DCC: variants seen among roughly 807,000 people sequenced by gnomAD.
DCC encodes netrin receptor DCC.
A neutral mutation model predicts 172.5 loss-of-function variants in DCC; 58 were observed. That is an observed-to-expected ratio of 0.34 (90% CI 0.27 to 0.42). DCC has a LOEUF of 0.42. Ranked by LOEUF, DCC falls within the 10% of genes least tolerant of loss-of-function variation. The pLI is 1.00. For synonymous variants in DCC, 709 were observed against 644.5 expected (o/e 1.10, Z -1.52); for missense variants, 1,740 against 1,791.0 (o/e 0.97, Z 0.51).
intron 1 of DCC, among the ~76,000 whole-genome samples, chr18:52,488,695 A>G (rs1417576547): frequency 6.6e-6 from 1 of 152,132 alleles, no homozygotes. Flanking sequence ...AGACTTGATT[A>G]TTTAAATGCA....
At chr18:53,031,368 T>C (rs2143959454) in intron 5 of DCC, among the ~76,000 whole-genome samples, 1 of 152,322 alleles carries the variant, frequency 6.6e-6, no homozygotes, top group South Asian at 2.1e-4. Context: ...AAATTAGAGT[T>C]CCTCATCTTT....
At chr18:52,613,136 T>G (rs1249612215) in intron 1 of DCC, among the ~76,000 whole-genome samples, 3 of 152,232 alleles carry the variant, frequency 2.0e-5, no homozygotes, top group Admixed American at 1.3e-4. Flanking sequence ...TTCATTTGCA[T>G]GATTTTTATT....
intron 27 of DCC, among the ~76,000 whole-genome samples, chr18:53,519,813 T>C (rs1238223874): frequency 6.6e-6 from 1 of 152,122 alleles, no homozygotes; most frequent in Non-Finnish European, 1.5e-5. Flanking sequence ...TCTACCAACA[T>C]AGAAAAAGTC....
intron 3 of DCC, among the ~76,000 whole-genome samples, chr18:52,910,802 C>T (rs2039960883): frequency 6.6e-6 from 1 of 152,124 alleles, no homozygotes; most frequent in South Asian, 2.1e-4. Flanking sequence ...AGTTAGATGA[C>T]TCTGAGTCCT....
At chr18:52,930,880 T>C (rs2040297385) in intron 5 of DCC, among the ~76,000 whole-genome samples, 1 of 152,170 alleles carries the variant, frequency 6.6e-6, no homozygotes, top group Admixed American at 6.6e-5. Flanking sequence ...ACTTACATTT[T>C]TATTCTATGA....
chr18:53,272,129 C>T (rs1363480801), intron 12 of DCC, among the ~76,000 whole-genome samples: 1 of 152,050 alleles, frequency 6.6e-6, no homozygotes, highest in African/African-American at 2.4e-5. Flanking sequence ...TTGTTTCACC[C>T]AGTGGTTAAT....
chr18:53,047,077 T>C (rs1327209433), intron 5 of DCC, among the ~76,000 whole-genome samples: 1 of 150,760 alleles, frequency 6.6e-6, no homozygotes, highest in Non-Finnish European at 1.5e-5. Flanking sequence ...CTCTGAATTG[T>C]TTTCAAGCCC....
At chr18:53,175,501 A>G (rs1038208297) in intron 8 of DCC, among the ~76,000 whole-genome samples, 94 of 150,672 alleles carry the variant, frequency 6.2e-4, no homozygotes, top group East Asian at 4.8e-3. Context: ...AAATCAATGT[A>G]CAAAAATCAC....
chr18:53,207,865 G>A (rs564457914), intron 11 of DCC, 48 bp downstream of exon 11: 1 of 1,501,052 alleles, frequency 6.7e-7, no homozygotes, highest in Admixed American at 1.7e-5. Flanking sequence ...ACATAATATT[G>A]ACAATAATGA....
intron 3 of DCC, among the ~76,000 whole-genome samples, chr18:52,911,215 T>A (rs1336547131): frequency 1.3e-5 from 2 of 152,110 alleles, no homozygotes; most frequent in African/African-American, 2.4e-5. Context: ...AGCCAGGTAG[T>A]TAATTCGCGT....
intron 2 of DCC, among the ~76,000 whole-genome samples, chr18:52,814,986 AATGG>A (rs2038266955): frequency 6.6e-6 from 1 of 152,186 alleles, no homozygotes; most frequent in African/African-American, 2.4e-5. Context: ...ACTCATTATA[AATGG>A]ATGGAGAGAA....
intron 2 of DCC, among the ~76,000 whole-genome samples, chr18:52,863,136 A>T (rs898861919): frequency 6.6e-6 from 1 of 152,050 alleles, no homozygotes; most frequent in Non-Finnish European, 1.5e-5. Flanking sequence ...ACAATTTACA[A>T]CAACTTTTAA....
At chr18:52,869,151 T>C (rs1354400142) in intron 2 of DCC, among the ~76,000 whole-genome samples, 1 of 152,230 alleles carries the variant, frequency 6.6e-6, no homozygotes, top group Non-Finnish European at 1.5e-5. Context: ...GTTATAGCTC[T>C]TTTAGCCTCG....
rs75043825 is a variant in DCC, at chr18:52,692,381, C to A, written c.92-59673C>A. Among the ~76,000 whole-genome samples the A allele has an allele frequency of 6.5e-3, 983 of 152,264 alleles. 12 individuals are homozygous for A. The highest frequency in any genetic ancestry group is 0.023 in the African/African-American group (942 of 41,576). On this transcript the variant is annotated intron_variant, in intron 1 of 28. Transcript: ENST00000442544. Reference sequence around the variant, plus strand: ...CCTAAACCTCTGCCCTATAGACATTCTGCCACCTTCTGTTGTTTAATCACT... The same window carrying A: ...CCTAAACCTCTGCCCTATAGACATTATGCCACCTTCTGTTGTTTAATCACT...
rs559381848 is a variant in DCC at position 52,612,753 on chromosome 18, C to T, written c.92-139301C>T. On this transcript the variant is annotated intron_variant, in intron 1 of 28. Coordinates refer to ENST00000442544, the MANE Select transcript of DCC (RefSeq NM_005215.4). ...GGATTTGATTGTGGAAATTGTTTTT[C>T]CTTTAGAAAATATATCTCATAAGTA... 1.8e-3 allele frequency among the ~76,000 whole-genome samples: 279 copies of T among 152,194 alleles called. 1 individual carries two copies. The highest frequency in any genetic ancestry group is 6.5e-3 in the African/African-American group (271 of 41,528).
intron 12 of DCC, among the ~76,000 whole-genome samples, chr18:53,264,542 C>A (rs1355462075): frequency 1.3e-5 from 2 of 151,662 alleles, no homozygotes; most frequent in African/African-American, 4.8e-5. Flanking sequence ...TAGGCAATCC[C>A]CATGCAATGC....
At chr18:53,283,260 A>G (rs2056894244) in intron 12 of DCC, among the ~76,000 whole-genome samples, 1 of 152,190 alleles carries the variant, frequency 6.6e-6, no homozygotes. Flanking sequence ...TGGCTTTAAC[A>G]TGATAAAATA....
At chr18:52,794,831 G>A (rs530673544) in intron 2 of DCC, among the ~76,000 whole-genome samples, 5 of 151,912 alleles carry the variant, frequency 3.3e-5, no homozygotes, top group Non-Finnish European at 7.4e-5. Flanking sequence ...ATTGTTGAGA[G>A]TTTTTGTCAT....
chr18:53,161,852 G>A (rs566031109), intron 8 of DCC, among the ~76,000 whole-genome samples: 1 of 152,208 alleles, frequency 6.6e-6, no homozygotes, highest in African/African-American at 2.4e-5. Context: ...CCATGAAATA[G>A]TATACCAGGT....
Sources: allele counts gnomAD v4.1 joint callset (sites outside exome capture counted in the v4.1 genomes callset), GRCh38; gene constraint gnomAD v4.1.1; transcripts MANE v1.5; gene names NCBI Gene and HGNC (gene_info 2026-07-23, HGNC 2026-07-21).